The following TLL1 variants were observed in gnomAD, a reference collection of about 807,000 sequenced individuals.
TLL1 encodes tolloid like 1, also known as tolloid-like protein 1.
A neutral mutation model predicts 128.2 loss-of-function variants in TLL1; 49 were observed. The observed-to-expected ratio is 0.38, with a 90% CI of 0.30 to 0.48. The LOEUF is 0.48. TLL1 is among the 20% of genes least tolerant of loss of function. TLL1 has a pLI of 0.96. For missense variants in TLL1, 1,123 were observed against 1,242.0 expected (o/e 0.90, Z 1.44); for synonymous variants, 454 against 418.8 (o/e 1.08, Z -1.03).
At chr4:166,009,167 A>G (rs577574726) in intron 7 of TLL1, among the ~76,000 whole-genome samples, 1 of 151,640 alleles carries the variant, frequency 6.6e-6, no homozygotes, top group East Asian at 1.9e-4. Context: ...TAACATGCTC[A>G]GTAATTTGAC....
rs1741202351 is a variant in TLL1 at position 166,079,725 on chromosome 4, T to C, written c.2442+1695T>C. ...ATTAATTTTTGAAAATTCTCAATTG[T>C]TATTTCTTCATATAATTCATCTGTG... is the stretch of plus-strand genomic sequence containing the variant. On this transcript the variant is annotated intron_variant, in intron 18 of 20. Coordinates refer to ENST00000061240, the MANE Select transcript of TLL1 (RefSeq NM_012464.5). 2.0e-5 allele frequency among the ~76,000 whole-genome samples: 3 copies of C among 152,290 alleles called. No homozygotes were observed. In the South Asian group the frequency reaches 6.2e-4, roughly 32 times the overall value.
intron 12 of TLL1, among the ~76,000 whole-genome samples, chr4:166,051,117 A>G (rs1579675142): frequency 2.0e-5 from 3 of 152,322 alleles, no homozygotes; most frequent in Middle Eastern, 6.8e-3. Flanking sequence ...AGAAATCGGC[A>G]TCATCTTTAT....
At chr4:166,027,017 A>G (rs887612900) in intron 9 of TLL1, among the ~76,000 whole-genome samples, 3 of 152,202 alleles carry the variant, frequency 2.0e-5, no homozygotes, top group Admixed American at 6.5e-5. Context: ...GATGGGATAA[A>G]GAAAATGTGG....
At chr4:165,926,615 C>T (rs992305342) in intron 1 of TLL1, among the ~76,000 whole-genome samples, 3 of 152,232 alleles carry the variant, frequency 2.0e-5, no homozygotes, top group Admixed American at 6.5e-5. Flanking sequence ...TAGAATCACT[C>T]GAGTTCCATG....
chr4:165,897,446 C>G (rs1731732076), intron 1 of TLL1, among the ~76,000 whole-genome samples: 1 of 152,148 alleles, frequency 6.6e-6, no homozygotes, highest in Non-Finnish European at 1.5e-5. Context: ...CTGCATATAG[C>G]TAGCCAGTTT....
intron 9 of TLL1, among the ~76,000 whole-genome samples, chr4:166,026,078 A>C (rs1376480913): frequency 6.6e-6 from 1 of 152,122 alleles, no homozygotes; most frequent in Non-Finnish European, 1.5e-5. Flanking sequence ...AATTGATTAA[A>C]AACAACAACA....
intron 8 of TLL1, among the ~76,000 whole-genome samples, chr4:166,019,159 T>C (rs764502973): frequency 6.6e-6 from 1 of 152,208 alleles, no homozygotes; most frequent in Non-Finnish European, 1.5e-5. Context: ...TTCAGCCGCA[T>C]GGATGGAGCT....
chr4:166,020,709 T>C (rs142896797), intron 8 of TLL1, among the ~76,000 whole-genome samples: 3 of 152,328 alleles, frequency 2.0e-5, no homozygotes, highest in East Asian at 3.9e-4. Context: ...CTTTTGCTTA[T>C]AACTGTTTAG....
intron 1 of TLL1, among the ~76,000 whole-genome samples, chr4:165,900,215 G>A (rs1031379258): frequency 1.3e-5 from 2 of 151,804 alleles, no homozygotes; most frequent in Non-Finnish European, 2.9e-5. Context: ...CTTTTAATTG[G>A]GGCATTTAGC....
intron 1 of TLL1, among the ~76,000 whole-genome samples, chr4:165,898,264 A>G (rs1425994009): frequency 1.3e-5 from 2 of 152,174 alleles, no homozygotes; most frequent in Non-Finnish European, 2.9e-5. Flanking sequence ...TTCCAATACT[A>G]TGTTGAATAG....
At chr4:165,980,853 A>C (rs540841363) in intron 1 of TLL1, among the ~76,000 whole-genome samples, 1 of 152,232 alleles carries the variant, frequency 6.6e-6, no homozygotes, top group Admixed American at 6.5e-5. Context: ...ATATAAGTTC[A>C]ATACATTATA....
chr4:165,996,570 G>A (rs1736885746), intron 5 of TLL1, among the ~76,000 whole-genome samples: 1 of 151,776 alleles, frequency 6.6e-6, no homozygotes, highest in Admixed American at 6.6e-5. Flanking sequence ...CTGCACTCCA[G>A]CCTGTGCAAC....
chr4:165,980,677 C>T (rs1736113206), intron 1 of TLL1, among the ~76,000 whole-genome samples: 2 of 151,960 alleles, frequency 1.3e-5, no homozygotes, highest in Admixed American at 1.3e-4. Flanking sequence ...CTTCAAATAC[C>T]TGAGCCTACT....
intron 1 of TLL1, among the ~76,000 whole-genome samples, chr4:165,906,448 G>T (rs1409245932): frequency 2.6e-5 from 4 of 152,118 alleles, no homozygotes; most frequent in Non-Finnish European, 4.4e-5. Context: ...AAATACAAGG[G>T]CTAGGATTTG....
At chr4:165,984,769 A>G (rs1736325683) in intron 1 of TLL1, among the ~76,000 whole-genome samples, 1 of 151,980 alleles carries the variant, frequency 6.6e-6, no homozygotes, top group South Asian at 2.1e-4. Flanking sequence ...AGGGGACACA[A>G]TTCCTATAAT....
At chr4:166,014,011 T>C (rs1737818459) in intron 7 of TLL1, among the ~76,000 whole-genome samples, 1 of 151,916 alleles carries the variant, frequency 6.6e-6, no homozygotes, top group Non-Finnish European at 1.5e-5. Flanking sequence ...TGTTTTACTC[T>C]TAACAATTTT....
chr4:166,050,754 G>A lies in TLL1; in HGVS notation c.1525-4322G>A, dbSNP rs1466135208. The stretch of plus-strand genomic sequence containing the variant: ...GCACTGACCACTAAACTCTGTACAG[G>A]TTGGCAGGTTTAGAATGAGAGGTTG... On this transcript the variant is annotated intron_variant, in intron 12 of 20. Transcript: ENST00000061240. Among the ~76,000 whole-genome samples, 3 of 152,230 alleles carry A rather than the reference G, an allele frequency of 2.0e-5. No individual in the cohort carries two copies. The East Asian group carries it at 5.8e-4, about 29-fold the overall frequency.
At chr4:165,881,391 AG>A (rs1730958776) in intron 1 of TLL1, among the ~76,000 whole-genome samples, 1 of 152,232 alleles carries the variant, frequency 6.6e-6, no homozygotes, top group Non-Finnish European at 1.5e-5. Flanking sequence ...AAAACAGGCA[AG>A]TGGTGAGGGC....
chr4:166,048,307 A>G lies in TLL1; in HGVS notation c.1524+4888A>G, dbSNP rs1318905525. ...AGGGCAAAATGAAAAGGCAACGCTTATGAAGAGGGCCCTCACCAGACACTG... is the reference window on the plus strand; with the variant it reads ...AGGGCAAAATGAAAAGGCAACGCTTGTGAAGAGGGCCCTCACCAGACACTG... On this transcript the variant is annotated intron_variant, in intron 12 of 20. Transcript: ENST00000061240. Among the ~76,000 whole-genome samples, 3 of 151,334 alleles carry G rather than the reference A, an allele frequency of 2.0e-5. No individual in the cohort carries two copies. The East Asian group carries it at 5.8e-4, about 29-fold the overall frequency.
Sources: gnomAD v4.1 joint callset for allele counts (sites outside exome capture counted in the v4.1 genomes callset) on GRCh38, gnomAD v4.1.1 for gene constraint, MANE v1.5 for transcripts, NCBI Gene and HGNC (gene_info 2026-07-23, HGNC 2026-07-21) for gene names.